The following DUSP11 variants were observed in gnomAD, a reference collection of about 807,000 sequenced individuals.
DUSP11 encodes dual specificity phosphatase 11.
DUSP11 carries 27 observed loss-of-function variants against 41.4 expected under a neutral mutation model. The ratio of observed to expected loss-of-function variants is 0.65; its 90% CI spans 0.48 to 0.90. DUSP11 has a LOEUF of 0.90. Ranked by LOEUF, DUSP11 falls within the 40% of genes least tolerant of loss-of-function variation. DUSP11 has a pLI of 0.00. For synonymous variants in DUSP11, 188 were observed against 159.3 expected (o/e 1.18, Z -1.35); for missense variants, 465 against 461.1 (o/e 1.01, Z -0.08).
chr2:73,777,672 A>G (rs1672711270), intron 2 of DUSP11, among the ~76,000 whole-genome samples: 1 of 152,214 alleles, frequency 6.6e-6, no homozygotes, highest in Non-Finnish European at 1.5e-5. Context: ...CAAATTCTAA[A>G]CAACTTGCCA....
chr2:73,771,405 G>C (rs368743267), intron 4 of DUSP11, among the ~76,000 whole-genome samples: 2 of 152,218 alleles, frequency 1.3e-5, no homozygotes, highest in African/African-American at 4.8e-5. Flanking sequence ...CCTGCAGCTC[G>C]AATGTTGTCT....
rs760307760 is a variant in DUSP11 at position 73,767,234 on chromosome 2, T to C, written c.636-27A>G. Reference sequence around the variant, plus strand: ...TAACAAAACAACATAATTTGGGTCATTTATATACGAAAAGAAAAAAATCAA... The same window carrying C: ...TAACAAAACAACATAATTTGGGTCACTTATATACGAAAAGAAAAAAATCAA... On this transcript the variant is annotated intron_variant, in intron 5 of 8. Coordinates refer to ENST00000272444, the Ensembl canonical transcript of DUSP11. The C allele has an allele frequency of 5.1e-6, 8 of 1,584,124 alleles. No homozygotes were observed. The highest frequency in any genetic ancestry group is 1.7e-4 in the Middle Eastern group (1 of 5,982).
At chr2:73,767,348 AAAG>A in intron 5 of DUSP11, 141 bp from the exon 6 acceptor site, 1 of 666,614 alleles carries the variant, frequency 1.5e-6, no homozygotes, top group African/African-American at 1.8e-5. Flanking sequence ...AGCAGTTATT[AAAG>A]AATGACATAC....
chr2:73,773,765 T>G, intron 4 of DUSP11, 35 bp downstream of exon 4: 3 of 1,561,398 alleles, frequency 1.9e-6, no homozygotes, highest in Non-Finnish European at 2.6e-6. Flanking sequence ...CCATTCATAA[T>G]GCACACCACA....
intron 8 of DUSP11, among the ~76,000 whole-genome samples, chr2:73,764,905 G>A (rs1438564425): frequency 6.6e-6 from 1 of 152,182 alleles, no homozygotes; most frequent in East Asian, 1.9e-4. Flanking sequence ...GGTGGAGGTT[G>A]CAGTGAGCCA....
chr2:73,762,842 G>A, exon 9 of DUSP11: 1 of 1,576,056 alleles, frequency 6.3e-7, no homozygotes. Context: ...GTAAACATGT[G>A]GATTCTCTGA....
At chr2:73,771,855 C>G (rs1251960935) in intron 4 of DUSP11, among the ~76,000 whole-genome samples, 5 of 144,968 alleles carry the variant, frequency 3.4e-5, no homozygotes, top group African/African-American at 1.3e-4. Flanking sequence ...GGGTCTTGCT[C>G]TGTCCCCCAG....
At chr2:73,763,327 T>C (rs1380876602) in intron 8 of DUSP11, among the ~76,000 whole-genome samples, 1 of 152,208 alleles carries the variant, frequency 6.6e-6, no homozygotes, top group African/African-American at 2.4e-5. Context: ...AATTATGAAG[T>C]GTGAAAAACT....
rs1672766468 is a variant in DUSP11 at position 73,780,119 on chromosome 2, C to T, written c.-4G>A. 1.3e-6 allele frequency: 2 copies of T among 1,554,598 alleles called. No individual in the cohort carries two copies. Among genetic ancestry groups the T allele is most frequent in the African/African-American group, 2.7e-5 (2 of 73,248 alleles). Reference sequence around the variant, plus strand: ...CCAGCGTCTCGCTATTGCGCATGTGCCACCGCCGGTCGTGATGGCGTAGCC... The same window carrying T: ...CCAGCGTCTCGCTATTGCGCATGTGTCACCGCCGGTCGTGATGGCGTAGCC... On this transcript the variant is annotated 5_prime_UTR_variant, in exon 1 of 9. Coordinates refer to ENST00000272444, the Ensembl canonical transcript of DUSP11.
chr2:73,772,300 G>A (rs926365529), intron 4 of DUSP11, among the ~76,000 whole-genome samples: 3 of 152,190 alleles, frequency 2.0e-5, no homozygotes, highest in Admixed American at 6.5e-5. Context: ...TTCTAGAAGC[G>A]AGTGGAGAGT....
intron 4 of DUSP11, 71 bp downstream of exon 4, chr2:73,773,729 T>C (rs1231087197): frequency 7.4e-6 from 11 of 1,485,270 alleles, no homozygotes; most frequent in South Asian, 2.8e-5. Context: ...GTTGGAACTA[T>C]AAAAAAATAC....
In DUSP11 at chr2:73,773,761, A is replaced by G. The variant is rs538496370; in HGVS notation, c.574+39T>C. 12 of 1,558,024 alleles carry G rather than the reference A, an allele frequency of 7.7e-6. No homozygotes were observed. In the African/African-American group the frequency reaches 1.6e-4, roughly 21 times the overall value. On this transcript the variant is annotated intron_variant, in intron 4 of 8. Transcript: ENST00000272444. ...ATACCAAAAATCCCCAACCCCATTC[A>G]TAATGCACACCACAGTTCAGGTAAG...
Position 73,768,723 on chromosome 2 carries a change from G to A in DUSP11, c.635+542C>T, listed in dbSNP as rs1191299870. On this transcript the variant is annotated intron_variant, in intron 5 of 8. Coordinates refer to ENST00000272444, the Ensembl canonical transcript of DUSP11. ...TGTAATACCAGCACTTTGGGAGGCC[G>A]AGGCGGGTGGATCACAAGGTCAGGA... 4.3e-5 allele frequency: 38 copies of A among 876,396 alleles called. No homozygotes were observed. The Admixed American group carries it at 1.0e-3, about 23-fold the overall frequency. The allele number at this position is 876,396 out of a possible 1,614,324, so 54.3% of individuals were successfully genotyped here. A position where few individuals can be genotyped will look rare whatever the true frequency, so the allele number is the denominator to read the frequency against.
intron 5 of DUSP11, 123 bp downstream of exon 5, chr2:73,769,142 G>C (rs891144845): frequency 1.4e-6 from 1 of 715,840 alleles, no homozygotes; most frequent in African/African-American, 1.8e-5. Flanking sequence ...CTCTGGGTGG[G>C]GAGCAAGACT....
intron 8 of DUSP11, among the ~76,000 whole-genome samples, chr2:73,764,838 T>A (rs1672427601): frequency 6.6e-6 from 1 of 152,118 alleles, no homozygotes; most frequent in Non-Finnish European, 1.5e-5. Flanking sequence ...GTGGTGGCAG[T>A]GCCTGTAATC....
At chr2:73,779,840 G>A (rs770718818) in intron 1 of DUSP11, 34 bp downstream of exon 1, 436 of 1,609,962 alleles carry the variant, frequency 2.7e-4, no homozygotes, top group South Asian at 1.1e-5. Flanking sequence ...GCCACGAGCT[G>A]GAAAGGCCAC....
intron 2 of DUSP11, among the ~76,000 whole-genome samples, chr2:73,775,366 TTTTC>T (rs1244476468): frequency 2.0e-5 from 3 of 150,694 alleles, no homozygotes; most frequent in Admixed American, 2.0e-4. Context: ...TAAATATTTC[TTTTC>T]TTTTTTTTTT....
intron 6 of DUSP11, 85 bp downstream of exon 6, chr2:73,767,076 T>C (rs1672479791): frequency 6.9e-7 from 1 of 1,448,966 alleles, no homozygotes; most frequent in African/African-American, 1.4e-5. Flanking sequence ...ACAAACTTCT[T>C]TTTTTCCAAA....
intron 1 of DUSP11, among the ~76,000 whole-genome samples, chr2:73,778,809 A>C (rs1300969884): frequency 6.6e-6 from 1 of 152,186 alleles, no homozygotes; most frequent in African/African-American, 2.4e-5. Context: ...TTCATATTTT[A>C]AGAGAAAACC....
Sources: gnomAD v4.1 joint callset for allele counts (sites outside exome capture counted in the v4.1 genomes callset) on GRCh38, gnomAD v4.1.1 for gene constraint, MANE v1.5 for transcripts, NCBI Gene and HGNC (gene_info 2026-07-23, HGNC 2026-07-21) for gene names.